ADGRE2: variants seen among roughly 807,000 people sequenced by gnomAD.
ADGRE2 encodes the protein adhesion G protein-coupled receptor E2.
Under a neutral mutation model 100.8 loss-of-function variants are expected in ADGRE2, and 83 were observed. That is an observed-to-expected ratio of 0.82 (90% CI 0.69 to 0.99). ADGRE2 has a LOEUF of 0.99. Among genes scored for constraint, ADGRE2 ranks in the 50% least tolerant of loss-of-function variants. ADGRE2 has a pLI of 0.00. For synonymous variants in ADGRE2, 355 were observed against 413.0 expected (o/e 0.86, Z 1.70); for missense variants, 814 against 1,035.7 (o/e 0.79, Z 2.94).
At chr19:14,756,081 A>G (rs2043492199) in intron 12 of ADGRE2, among the ~76,000 whole-genome samples, 157 bp downstream of exon 12, 3 of 152,182 alleles carry the variant, frequency 2.0e-5, no homozygotes, top group South Asian at 2.1e-4. Flanking sequence ...AGGGTCCCCA[A>G]CAAGGTCCGT....
the ADGRE2 span, among the ~76,000 whole-genome samples, chr19:14,724,788 A>G: frequency 1.3e-5 from 2 of 152,170 alleles, no homozygotes; most frequent in African/African-American, 4.8e-5. Context: ...CTTTGTTTAA[A>G]AATTTGGCTA....
At chr19:14,756,120 G>A in intron 12 of ADGRE2, 118 bp downstream of exon 12, 1 of 860,996 alleles carries the variant, frequency 1.2e-6, no homozygotes, top group African/African-American at 1.7e-5. Context: ...TCCTCTTACA[G>A]CCCCACTCCA....
At chr19:14,775,045 C>T (rs140384049) in intron 2 of ADGRE2, among the ~76,000 whole-genome samples, 3,645 of 151,282 alleles carry the variant, frequency 0.024, 50 homozygotes, top group East Asian at 0.064. Context: ...CTTTGTTGCC[C>T]AGGCTGGAAT....
At chr19:14,758,881 T>C (rs974233242) in intron 11 of ADGRE2, among the ~76,000 whole-genome samples, 6 of 14,678 alleles carry the variant, frequency 4.1e-4, no homozygotes, top group Admixed American at 2.0e-3. Flanking sequence ...CACGACTCCG[T>C]CTCAAAAAAA....
chr19:14,764,097 C>T (rs1239774602), intron 11 of ADGRE2, among the ~76,000 whole-genome samples: 1 of 151,738 alleles, frequency 6.6e-6, no homozygotes, highest in Admixed American at 6.6e-5. Context: ...GGGTCTTGCC[C>T]TGTGAACCAG....
intron 14 of ADGRE2, among the ~76,000 whole-genome samples, chr19:14,754,222 A>C (rs2043401203): frequency 6.6e-6 from 1 of 151,994 alleles, no homozygotes. Flanking sequence ...CAGCCTGCAG[A>C]CGGCCTATCG....
chr19:14,738,077 T>A (rs966984464), intron 20 of ADGRE2, among the ~76,000 whole-genome samples: 4 of 152,098 alleles, frequency 2.6e-5, no homozygotes, highest in Non-Finnish European at 5.9e-5. Context: ...TTGAATGTTA[T>A]TAGTACAAAG....
Position 14,750,281 on chromosome 19 carries a change from T to C in ADGRE2, c.2024+1155A>G, listed in dbSNP as rs116436041. Among the ~76,000 whole-genome samples, 103 of 74,666 alleles carry C rather than the reference T, an allele frequency of 1.4e-3. 17 individuals are homozygous for C. The highest frequency in any genetic ancestry group is 3.1e-3 in the East Asian group (4 of 1,286). 49.0% of individuals were successfully genotyped at this position (74,666 alleles called of 152,430 possible). A position where few individuals can be genotyped will look rare whatever the true frequency, so the allele number is the denominator to read the frequency against. On this transcript the variant is annotated intron_variant, in intron 16 of 20. Transcript: ENST00000315576. ...TAATATAATTATATAATTATATGAT[T>C]ATCTAATTATGTGATCATATAATTT...
Position 14,746,986 on chromosome 19 carries a change from A to AAAT in ADGRE2, c.2025-25_2025-24insATT, listed in dbSNP as rs1240961320. On this transcript the variant is annotated intron_variant, in intron 16 of 20. Coordinates refer to ENST00000315576, the MANE Select transcript of ADGRE2 (RefSeq NM_013447.4). ...AGCTGAAAAAAGAGAGATTAAAAAA[A>AAAT]ATGCATCAGTTTTTGGAGATATGGA... is the stretch of plus-strand genomic sequence containing the variant. 3 of 1,599,262 alleles carry AAAT rather than the reference A, an allele frequency of 1.9e-6. No individual in the cohort carries two copies. In the African/African-American group the frequency reaches 4.0e-5, roughly 21 times the overall value.
intron 3 of ADGRE2, 90 bp downstream of exon 3, chr19:14,774,166 T>C (rs1332017886): frequency 4.6e-6 from 7 of 1,519,914 alleles, no homozygotes; most frequent in Non-Finnish European, 5.4e-6. Context: ...AGCCCTCTCT[T>C]TCCCTGGGCT....
chr19:14,728,541 T>C (rs539182533), downstream of ADGRE2, among the ~76,000 whole-genome samples: 2 of 152,210 alleles, frequency 1.3e-5, no homozygotes, highest in Non-Finnish European at 2.9e-5. Flanking sequence ...ACATCACTTA[T>C]AAATGTATTC....
intron 20 of ADGRE2, among the ~76,000 whole-genome samples, chr19:14,740,552 C>T (rs113648885): frequency 0.087 from 12,690 of 146,276 alleles, 1,846 homozygotes; most frequent in African/African-American, 0.3. Flanking sequence ...ACCCAGGAGG[C>T]GGAGGTTGCG....
intron 5 of ADGRE2, chr19:14,772,134 C>G (rs2044233533): frequency 1.6e-6 from 1 of 633,906 alleles, no homozygotes; most frequent in Admixed American, 3.0e-5. Context: ...GATTTGGGCC[C>G]AGGTAGCTGG....
downstream of ADGRE2, among the ~76,000 whole-genome samples, chr19:14,729,946 G>A (rs963437794): frequency 6.6e-6 from 1 of 152,180 alleles, no homozygotes; most frequent in South Asian, 2.1e-4. Context: ...ACTGGAAAGG[G>A]CAGAAATCCT....
chr19:14,764,785 G>A (rs1207136965), intron 10 of ADGRE2, among the ~76,000 whole-genome samples, 175 bp from the exon 11 acceptor site: 2 of 152,208 alleles, frequency 1.3e-5, no homozygotes, highest in Non-Finnish European at 2.9e-5. Context: ...TTGGGAGGCC[G>A]ATGAGGGTGG....
chr19:14,759,968 G>A lies in ADGRE2; in HGVS notation c.1085-3623C>T, dbSNP rs146911327. On this transcript the variant is annotated intron_variant, in intron 11 of 20. Transcript: ENST00000315576. ...CGAGTAGCTGGGACTACAGGCACCC[G>A]CCACCACGCCTGGCTAATTTTTTGT... Among the ~76,000 whole-genome samples, 506 of 151,912 alleles carry A rather than the reference G, an allele frequency of 3.3e-3. 3 individuals carry two copies. The highest frequency in any genetic ancestry group is 0.012 in the African/African-American group (491 of 41,410).
intron 5 of ADGRE2, among the ~76,000 whole-genome samples, chr19:14,769,730 G>A (rs1056504814): frequency 6.6e-6 from 1 of 151,740 alleles, no homozygotes. Context: ...ACGGAGTCTC[G>A]CTCTGTCGTC....
Position 14,736,084 on chromosome 19 carries a change from C to T in ADGRE2, c.*152G>A. 1 of 706,034 alleles carries T rather than the reference C, an allele frequency of 1.4e-6. No individual in the cohort carries two copies. Among genetic ancestry groups the T allele is most frequent in the East Asian group, 2.7e-5 (1 of 36,884 alleles). 43.7% of individuals were successfully genotyped at this position (706,034 alleles called of 1,614,324 possible). A position where few individuals can be genotyped will look rare whatever the true frequency, so the allele number is the denominator to read the frequency against. On this transcript the variant is annotated 3_prime_UTR_variant, in exon 21 of 21. Coordinates refer to ENST00000315576, the MANE Select transcript of ADGRE2 (RefSeq NM_013447.4). ...TCCGGTTTCTGCAGGAATTGAATGC[C>T]TAGCACGCCTTCCATAACATCCTTC... is the stretch of plus-strand genomic sequence containing the variant.
intron 17 of ADGRE2, 28 bp from the exon 18 acceptor site, chr19:14,746,351 A>C: frequency 7.6e-7 from 1 of 1,313,112 alleles, no homozygotes; most frequent in Non-Finnish European, 1.1e-6. Context: ...AGATTTGTTG[A>C]ATAGATTTTG....
Sources: gnomAD v4.1 joint callset for allele counts (sites outside exome capture counted in the v4.1 genomes callset) on GRCh38, gnomAD v4.1.1 for gene constraint, MANE v1.5 for transcripts, NCBI Gene and HGNC (gene_info 2026-07-23, HGNC 2026-07-21) for gene names.